CREB3L2: variants seen among roughly 807,000 people sequenced by gnomAD.
CREB3L2 encodes the protein cAMP responsive element binding protein 3 like 2, also known as cyclic AMP-responsive element-binding protein 3-like protein 2.
CREB3L2 carries 23 observed loss-of-function variants against 57.2 expected under a neutral mutation model. The observed-to-expected ratio is 0.40, with a 90% CI of 0.29 to 0.57. The LOEUF (loss-of-function observed/expected upper bound fraction) is 0.57. Ranked by LOEUF, CREB3L2 falls within the 20% of genes least tolerant of loss-of-function variation. CREB3L2 has a pLI of 0.42. For missense variants in CREB3L2, 628 were observed against 634.7 expected (o/e 0.99, Z 0.11); for synonymous variants, 268 against 265.1 (o/e 1.01, Z -0.11).
chr7:137,962,055 C>T (rs1801332296), intron 1 of CREB3L2, among the ~76,000 whole-genome samples: 2 of 152,132 alleles, frequency 1.3e-5, no homozygotes, highest in Admixed American at 6.5e-5. Flanking sequence ...CATCTGCGAC[C>T]CCACCGAAGT....
intron 8 of CREB3L2, among the ~76,000 whole-genome samples, chr7:137,898,742 G>A (rs1799676770): frequency 6.6e-5 from 1 of 15,192 alleles, no homozygotes; most frequent in Non-Finnish European, 1.2e-4. Context: ...GACATTACAG[G>A]TAAACTAAGA....
chr7:137,892,366 C>A (rs1483417235), intron 8 of CREB3L2, among the ~76,000 whole-genome samples: 1 of 146,048 alleles, frequency 6.8e-6, no homozygotes, highest in Non-Finnish European at 1.5e-5. Context: ...AAAAAAACAA[C>A]TTGGTCAGGC....
rs60762009 is a variant in CREB3L2 at position 137,999,379 on chromosome 7, TACACACACAC to T, written c.102+2215_102+2224del. Among the ~76,000 whole-genome samples the T allele has an allele frequency of 9.8e-3, 1,390 of 142,416 alleles. 23 individuals carry two copies. Among genetic ancestry groups the T allele is most frequent in the African/African-American group, 0.034 (1,317 of 38,738 alleles). The allele number at this position is 142,416 out of a possible 152,430, so 93.4% of individuals were successfully genotyped here. Reference sequence around the variant, plus strand: ...ATAATGTTTATTGTTTATGTTCCCCTACACACACACACACACACACACACACACACACACA... The same window carrying T: ...ATAATGTTTATTGTTTATGTTCCCCTACACACACACACACACACACACACA... On this transcript the variant is annotated intron_variant, in intron 1 of 11. Transcript: ENST00000330387.
intron 1 of CREB3L2, among the ~76,000 whole-genome samples, chr7:137,967,076 TTC>T (rs1296337642): frequency 6.6e-6 from 1 of 152,212 alleles, no homozygotes; most frequent in Non-Finnish European, 1.5e-5. Flanking sequence ...TCTCTCAGTC[TTC>T]TCTCTTTCTC....
At chr7:137,982,197 A>G (rs1261147255) in intron 1 of CREB3L2, among the ~76,000 whole-genome samples, 1 of 152,252 alleles carries the variant, frequency 6.6e-6, no homozygotes, top group East Asian at 1.9e-4. Context: ...CACTGCACAT[A>G]CAATGCCCTA....
At chr7:137,901,469 A>G in intron 7 of CREB3L2, 47 bp from the exon 8 acceptor site, 1 of 1,274,908 alleles carries the variant, frequency 7.8e-7, no homozygotes, top group Non-Finnish European at 1.1e-6. Context: ...TAGAGCAAAC[A>G]CTAAGCTAGG....
At chr7:137,903,163 G>A (rs1799799824) in intron 7 of CREB3L2, among the ~76,000 whole-genome samples, 1 of 152,114 alleles carries the variant, frequency 6.6e-6, no homozygotes, top group South Asian at 2.1e-4. Context: ...TTGAATCTGA[G>A]GACGCTGAAC....
At position 138,002,078 on chromosome 7, in the gene CREB3L2, C is replaced by T. The variant is rs1802092191; in HGVS notation, c.-373G>A. ...CAAACTTTGAGGGACCCCAGGGCTC[C>T]TCGGCTCTGCTCCAGGACCCAGCTG... On this transcript the variant is annotated 5_prime_UTR_variant, in exon 1 of 12. Transcript: ENST00000330387. 3 of 269,034 alleles carry T rather than the reference C, an allele frequency of 1.1e-5. No homozygotes were observed. Among genetic ancestry groups the T allele is most frequent in the Non-Finnish European group, 2.1e-5 (3 of 140,138 alleles). The allele number at this position is 269,034 out of a possible 1,614,324, so 16.7% of individuals were successfully genotyped here.
intron 1 of CREB3L2, among the ~76,000 whole-genome samples, chr7:137,944,845 GAATA>G (rs1308701360): frequency 6.6e-6 from 1 of 151,870 alleles, no homozygotes; most frequent in Non-Finnish European, 1.5e-5. Flanking sequence ...TTTCATAAAT[GAATA>G]ATCAAATTTA....
chr7:137,939,963 G>C (rs533253250), intron 1 of CREB3L2, among the ~76,000 whole-genome samples: 35 of 152,322 alleles, frequency 2.3e-4, no homozygotes, highest in African/African-American at 7.7e-4. Context: ...CACAGTGAGA[G>C]TTAAAGTAGA....
rs572805109 is a variant in CREB3L2, at chr7:137,925,338, T to C, written c.319+2812A>G. On this transcript the variant is annotated intron_variant, in intron 2 of 11. Coordinates refer to ENST00000330387, the MANE Select transcript of CREB3L2 (RefSeq NM_194071.4). ...AGAACTGTATTTAATCTAAGTACAA[T>C]TGGACAGTGAGAGCTGAATCACTGG... Among the ~76,000 whole-genome samples the C allele has an allele frequency of 5.3e-5, 8 of 152,326 alleles. No homozygotes were observed. The South Asian group carries it at 6.2e-4, about 12-fold the overall frequency.
At chr7:137,979,248 A>G (rs2117312314) in intron 1 of CREB3L2, among the ~76,000 whole-genome samples, 1 of 152,256 alleles carries the variant, frequency 6.6e-6, no homozygotes, top group East Asian at 1.9e-4. Flanking sequence ...CAGCTCTAGC[A>G]TATTGTACCC....
intron 2 of CREB3L2, among the ~76,000 whole-genome samples, chr7:137,921,936 ATTTTTTT>A (rs755563060): frequency 7.3e-6 from 1 of 136,282 alleles, no homozygotes; most frequent in African/African-American, 2.7e-5. Flanking sequence ...TCACCCAGCT[ATTTTTTT>A]TTTTTTTTTG....
intron 5 of CREB3L2, among the ~76,000 whole-genome samples, chr7:137,907,319 T>C (rs1424275598): frequency 6.6e-6 from 1 of 152,170 alleles, no homozygotes; most frequent in South Asian, 2.1e-4. Context: ...AGTTCCTCCA[T>C]AAACATGTAG....
intron 2 of CREB3L2, among the ~76,000 whole-genome samples, chr7:137,922,400 A>ATATATATATATATATG (rs1327080564): frequency 4.9e-5 from 1 of 20,442 alleles, no homozygotes; most frequent in South Asian, 1.6e-3. Context: ...ATATATATAT[A>ATATATATATATATATG]TATATATATA....
intron 3 of CREB3L2, among the ~76,000 whole-genome samples, chr7:137,913,559 A>C (rs1341286253): frequency 6.6e-6 from 1 of 151,744 alleles, no homozygotes. Flanking sequence ...AACACTCAGA[A>C]CTCTAAAGTT....
chr7:137,922,727 G>A (rs1409092921), intron 2 of CREB3L2: 1 of 426,266 alleles, frequency 2.3e-6, no homozygotes, highest in South Asian at 1.7e-5. Context: ...CAAGCACAGG[G>A]AGGGCGGACC....
At chr7:137,948,638 T>C (rs1403963788) in intron 1 of CREB3L2, among the ~76,000 whole-genome samples, 1 of 152,220 alleles carries the variant, frequency 6.6e-6, no homozygotes, top group African/African-American at 2.4e-5. Context: ...TCATCTTGGC[T>C]ATTCAAAAGC....
At chr7:137,896,363 G>C (rs1014395791) in intron 8 of CREB3L2, among the ~76,000 whole-genome samples, 1 of 152,046 alleles carries the variant, frequency 6.6e-6, no homozygotes, top group African/African-American at 2.4e-5. Context: ...GTGCAATGGC[G>C]TGATCTCGGC....
Sources: allele counts gnomAD v4.1 joint callset (sites outside exome capture counted in the v4.1 genomes callset), GRCh38; gene constraint gnomAD v4.1.1; transcripts MANE v1.5; gene names NCBI Gene and HGNC (gene_info 2026-07-23, HGNC 2026-07-21).